Variants in DISP3 observed in about 807,000 individuals in gnomAD.
The protein encoded by DISP3 is protein dispatched homolog 3.
DISP3 carries 101 observed loss-of-function variants against 135.3 expected under a neutral mutation model. The ratio of observed to expected loss-of-function variants is 0.75; its 90% CI spans 0.64 to 0.88. The LOEUF is 0.88. DISP3 is among the 40% of genes least tolerant of loss of function. DISP3 has a pLI of 0.00. For synonymous variants in DISP3, 856 were observed against 817.0 expected (o/e 1.05, Z -0.81); for missense variants, 1,713 against 1,878.6 (o/e 0.91, Z 1.63).
chr1:11,524,608 A>C (rs1570136145), intron 11 of DISP3, among the ~76,000 whole-genome samples: 48 of 114,268 alleles, frequency 4.2e-4, no homozygotes, highest in East Asian at 7.7e-4. Flanking sequence ...CATCCCTACC[A>C]CCCCATCCAG....
rs747770311 is a variant in DISP3, at chr1:11,531,652, A to ACGGG, written c.3318_3321dup (p.Ala1108ArgfsTer277). 1 of 1,613,188 alleles carries ACGGG rather than the reference A, an allele frequency of 6.2e-7. No individual in the cohort carries two copies. The highest frequency in any genetic ancestry group is 8.5e-7 in the Non-Finnish European group (1 of 1,179,824). ...AACCTGCTCCCGGGGCAGCTGTCCC[A>ACGGG]CGGGGCAGTGGGCGTCAGGGAGGGC... On this transcript the variant is annotated frameshift_variant, in exon 17 of 21. Transcript: ENST00000294484. LOFTEE classifies it high-confidence loss of function. The surrounding 1 kb of genome is among the most constrained non-coding windows in gnomAD (Gnocchi z 5.2).
chr1:11,521,741 C>T (rs535464591), intron 10 of DISP3, among the ~76,000 whole-genome samples: 46 of 152,032 alleles, frequency 3.0e-4, no homozygotes, highest in Non-Finnish European at 4.9e-4. Context: ...CAGAGGAGAG[C>T]ACCAGAGGTG....
intron 3 of DISP3, among the ~76,000 whole-genome samples, chr1:11,503,857 C>T (rs1253182399): frequency 6.6e-6 from 1 of 152,182 alleles, no homozygotes; most frequent in Non-Finnish European, 1.5e-5. Flanking sequence ...ATGGAGAACA[C>T]GATTCTGGCT....
rs1642684365 is a variant in DISP3 at position 11,535,466 on chromosome 1, G to A, written c.3650-12G>A. 1.3e-6 allele frequency: 2 copies of A among 1,596,644 alleles called. No homozygotes were observed. The highest frequency in any genetic ancestry group is 1.3e-5 in the African/African-American group (1 of 74,680). On this transcript the variant is annotated splice_polypyrimidine_tract_variant and intron_variant, in intron 19 of 20. Transcript: ENST00000294484. ...GGGGATCCGAGCTGCCCCCCCTGCT[G>A]TCTCCTTGCAGGCATCGTGTGCCTG...
At chr1:11,526,958 T>C (rs1642438850) in intron 13 of DISP3, 123 bp downstream of exon 13, 1 of 1,163,822 alleles carries the variant, frequency 8.6e-7, no homozygotes, top group African/African-American at 1.6e-5. Context: ...TTTTTTTTTT[T>C]CTTACTCTGT....
In DISP3 at chr1:11,526,362, G is replaced by A. The variant is rs975954515; in HGVS notation, c.2614-289G>A. 2.0e-5 allele frequency among the ~76,000 whole-genome samples: 3 copies of A among 152,226 alleles called. No homozygotes were observed. The South Asian group carries it at 6.2e-4, about 31-fold the overall frequency. On this transcript the variant is annotated intron_variant, in intron 12 of 20. Transcript: ENST00000294484. The stretch of plus-strand genomic sequence containing the variant: ...CCATCATCATTGCCAGCTCCAAGAG[G>A]TCAGGGACCGTGCCCCTCAGAGCCT...
At position 11,536,398 on chromosome 1, in the gene DISP3, C is replaced by T. The variant is rs2594310; in HGVS notation, c.3891C>T (p.Ala1297=). The T allele has an allele frequency of 0.1, 161,805 of 1,611,706 alleles. 16,927 individuals carry two copies. The highest frequency in any genetic ancestry group is 0.53 in the African/African-American group (39,451 of 74,954). ...TGGGCGTGGCCATCGTCTCCAGTGC[C>T]CTCACCACGGTCATCGCCACAGTGC... ...RHVGVAIVSS[A]LTTVIATVPL... is the part of the protein sequence containing the mutation. The change falls in exon 21 of 21, where the codon GCC becomes GCT. Residue 1297 remains alanine, a synonymous_variant. Transcript: ENST00000294484. This position sits in a 1 kb window ranked among gnomAD's most constrained non-coding sequence, Gnocchi z 4.3.
rs1642504019 is a variant in DISP3 at position 11,529,032 on chromosome 1, C to T, written c.2799-524C>T. ...ACACATCAGTGGGCCAGGGGTCAGG[C>T]AGGCTGCCTGGATGAGCTGGAAACA... On this transcript the variant is annotated intron_variant, in intron 13 of 20. Coordinates refer to ENST00000294484, the MANE Select transcript of DISP3 (RefSeq NM_020780.2). The surrounding 1 kb of genome is among the most constrained non-coding windows in gnomAD (Gnocchi z 4.7). Among the ~76,000 whole-genome samples the T allele has an allele frequency of 6.6e-6, 1 of 152,188 alleles. No homozygotes were observed. Among genetic ancestry groups the T allele is most frequent in the Non-Finnish European group, 1.5e-5 (1 of 68,010 alleles).
intron 17 of DISP3, among the ~76,000 whole-genome samples, chr1:11,533,253 C>CTTT (rs70983563): frequency 9.6e-5 from 10 of 103,954 alleles, no homozygotes; most frequent in Non-Finnish European, 1.2e-4. Context: ...GTGACTGTTT[C>CTTT]TTTTTTTTTT....
rs747436731 is a variant in DISP3 at position 11,501,664 on chromosome 1, G to T, written c.672G>T (p.Gln224His). Residue 224 changes from glutamine to histidine, a missense_variant, in exon 2 of 21, where the codon CAG (glutamine) becomes CAT (histidine). By Grantham distance (24) the Gln-to-His change is conservative. Coordinates refer to ENST00000294484, the MANE Select transcript of DISP3 (RefSeq NM_020780.2). This position sits in a 1 kb window ranked among gnomAD's most constrained non-coding sequence, Gnocchi z 4.9. ...ACCAGAGTGAAGACCCGCGAAACCA[G>T]CGGCTGAGCAAGAATGGGCGGTACC... ...AANQSEDPRN[Q>H]RLSKNGRYQP... The T allele has an allele frequency of 6.2e-7, 1 of 1,608,410 alleles. No individual in the cohort carries two copies. Among genetic ancestry groups the T allele is most frequent in the Non-Finnish European group, 8.5e-7 (1 of 1,178,102 alleles).
chr1:11,500,477 A>T (rs1327115885), intron 1 of DISP3, among the ~76,000 whole-genome samples: 7 of 152,150 alleles, frequency 4.6e-5, no homozygotes. Flanking sequence ...CCTTGCTGAT[A>T]CTCATACTGC....
Position 11,520,720 on chromosome 1 carries a change from T to C in DISP3, c.2234T>C (p.Val745Ala). The C allele has an allele frequency of 1.2e-6, 2 of 1,613,198 alleles. No individual in the cohort carries two copies. The highest frequency in any genetic ancestry group is 1.7e-6 in the Non-Finnish European group (2 of 1,179,970). ...LFVSILILSLVFASRLRPASR... is the reference protein window; with the variant it reads ...LFVSILILSLAFASRLRPASR... Reference sequence around the variant, plus strand: ...GTCTCCATCCTCATCTTGTCCCTGGTGTTCGCCAGCCGGCTCCGCCCCGCC... The same window carrying C: ...GTCTCCATCCTCATCTTGTCCCTGGCGTTCGCCAGCCGGCTCCGCCCCGCC... Residue 745 changes from valine (V) to alanine (A), a missense_variant, in exon 10 of 21, where the codon GTG becomes GCG. This residue lies in a region of DISP3 where 1,142 missense variants were observed against 1,384.6 expected (regional missense o/e 0.82). Transcript: ENST00000294484. The surrounding 1 kb of genome is among the most constrained non-coding windows in gnomAD (Gnocchi z 4.8).
intron 3 of DISP3, among the ~76,000 whole-genome samples, chr1:11,503,467 G>C (rs1052505088): frequency 3.3e-5 from 5 of 152,178 alleles, no homozygotes; most frequent in African/African-American, 1.2e-4. Flanking sequence ...CAAGACCAAA[G>C]GCCTGGGAAC....
In DISP3 at chr1:11,524,046, A is replaced by G. The variant is rs1197365519; in HGVS notation, c.2467A>G (p.Thr823Ala). Residue 823 changes from threonine to alanine, a missense_variant, in exon 11 of 21, where the codon ACC becomes GCC. Thr to Ala is a moderately conservative substitution (Grantham distance 58, BLOSUM62 0). Around this residue, in one of 2 missense-constraint regions of DISP3, gnomAD observed 1,142 missense variants for 1,384.6 expected, o/e 0.82. Transcript: ENST00000294484. The part of the protein sequence containing the change: ...GVPWASRPEA[T>A]LQDFPGTVYI... ...CCCCTGGGCTAGCCGGCCTGAGGCC[A>G]CCCTGCAGGGTGAGCACTGGGGGTG... 3 of 1,610,280 alleles carry G rather than the reference A, an allele frequency of 1.9e-6. No individual in the cohort carries two copies. The highest frequency in any genetic ancestry group is 2.2e-5 in the East Asian group (1 of 44,778).
Position 11,535,519 on chromosome 1 carries a change from T to C in DISP3, c.3691T>C (p.Trp1231Arg), listed in dbSNP as rs1409760985. ...LVVTIMYWSG[W>R]EMGAVEAISL... ...GGTGACCATCATGTACTGGAGCGGC[T>C]GGGAGATGGGGGCTGTGGAAGCCAT... The change falls in exon 20 of 21, where the codon TGG becomes CGG. Residue 1231 changes from tryptophan to arginine, a missense_variant. Trp to Arg is a moderately radical substitution (Grantham distance 101). Around this residue, in one of 2 missense-constraint regions of DISP3, gnomAD observed 1,142 missense variants for 1,384.6 expected, o/e 0.82. Coordinates refer to ENST00000294484, the MANE Select transcript of DISP3 (RefSeq NM_020780.2). 6.2e-7 allele frequency: 1 copy of C among 1,613,070 alleles called. No individual in the cohort carries two copies.
intron 3 of DISP3, among the ~76,000 whole-genome samples, chr1:11,508,280 T>G (rs1238117073): frequency 1.3e-5 from 2 of 152,060 alleles, no homozygotes; most frequent in Admixed American, 1.3e-4. Flanking sequence ...TAGCCAGGCA[T>G]GGTGACACAT....
At chr1:11,504,278 G>A (rs1035776848) in intron 3 of DISP3, among the ~76,000 whole-genome samples, 1 of 152,186 alleles carries the variant, frequency 6.6e-6, no homozygotes, top group Non-Finnish European at 1.5e-5. Context: ...CTGAGACATG[G>A]CAATTAGGTA....
Position 11,501,896 on chromosome 1 carries a change from G to T in DISP3, c.904G>T (p.Glu302Ter). 1 of 1,613,378 alleles carries T rather than the reference G, an allele frequency of 6.2e-7. No homozygotes were observed. Among genetic ancestry groups the T allele is most frequent in the Non-Finnish European group, 8.5e-7 (1 of 1,179,746 alleles). Residue 302 changes from glutamate to a stop codon, truncating the protein, a stop_gained, in exon 2 of 21, where the codon GAG becomes TAG. Coordinates refer to ENST00000294484, the MANE Select transcript of DISP3 (RefSeq NM_020780.2). LOFTEE classifies it high-confidence loss of function. This position sits in a 1 kb window ranked among gnomAD's most constrained non-coding sequence, Gnocchi z 4.9. Reference sequence around the variant, plus strand: ...GCGCCTGGTCACGATCCATGAGATCGAGCGCAAGATCATGGACCACCCAGG... The same window carrying T: ...GCGCCTGGTCACGATCCATGAGATCTAGCGCAAGATCATGGACCACCCAGG... The part of the protein sequence containing the change: ...SERLVTIHEI[E>*]RKIMDHPGFR...
At position 11,525,165 on chromosome 1, in the gene DISP3, T is replaced by C; in HGVS notation, c.2477-11T>C. 1 of 1,612,798 alleles carries C rather than the reference T, an allele frequency of 6.2e-7. No homozygotes were observed. Among genetic ancestry groups the C allele is most frequent in the Non-Finnish European group, 8.5e-7 (1 of 1,178,932 alleles). ...AAGTCCACCCCTCTTTCATCCCTTATTTGTCCGTAGATTTCCCAGGCACCG... is the reference window on the plus strand; with the variant it reads ...AAGTCCACCCCTCTTTCATCCCTTACTTGTCCGTAGATTTCCCAGGCACCG... On this transcript the variant is annotated splice_polypyrimidine_tract_variant and intron_variant, in intron 11 of 20. Coordinates refer to ENST00000294484, the MANE Select transcript of DISP3 (RefSeq NM_020780.2).
Sources: gnomAD v4.1 joint callset for allele counts (sites outside exome capture counted in the v4.1 genomes callset) on GRCh38, gnomAD v4.1.1 for gene constraint, gnomAD v4.1.1 regional missense constraint, Gnocchi (gnomAD v3.1) non-coding constraint, MANE v1.5 for transcripts, NCBI Gene and HGNC (gene_info 2026-07-23, HGNC 2026-07-21) for gene names.